Variants in THSD7A observed in about 807,000 individuals in gnomAD.
THSD7A encodes the protein thrombospondin type-1 domain-containing protein 7A.
THSD7A carries 96 observed loss-of-function variants against 231.3 expected under a neutral mutation model. The observed-to-expected ratio is 0.41, with a 90% CI of 0.35 to 0.49. THSD7A has a LOEUF of 0.49. Ranked by LOEUF, THSD7A falls within the 20% of genes least tolerant of loss-of-function variation. The pLI is 0.05. For synonymous variants in THSD7A, 940 were observed against 743.3 expected, an observed-to-expected ratio of 1.26 and a Z score of -4.30; for missense variants, 2,290 against 2,070.2, an observed-to-expected ratio of 1.11 and a Z score of -2.06.
chr7:11,772,292 G>T (rs1783258204), intron 1 of THSD7A, among the ~76,000 whole-genome samples: 1 of 152,112 alleles, frequency 6.6e-6, no homozygotes, highest in Non-Finnish European at 1.5e-5. Flanking sequence ...AATTAGTTCA[G>T]CCACTGTGGA....
chr7:11,404,514 G>A (rs1305461712), intron 22 of THSD7A, among the ~76,000 whole-genome samples: 1 of 152,180 alleles, frequency 6.6e-6, no homozygotes, highest in Non-Finnish European at 1.5e-5. Context: ...AGTACATCAA[G>A]GTCCAAAGGT....
chr7:11,707,473 G>T (rs1415540453), intron 1 of THSD7A, among the ~76,000 whole-genome samples: 1 of 150,820 alleles, frequency 6.6e-6, no homozygotes, highest in Non-Finnish European at 1.5e-5. Context: ...GGAAAACCCT[G>T]AGCATTTATT....
rs1305379703 is a variant in THSD7A at position 11,370,515 on chromosome 7, GCATATTA to G, written c.*5272_*5278del. ...ATAACCCATATGAAAATGTAAAAAA[GCATATTA>G]CATCTTCACATGCCATCTGTATTGA... On this transcript the variant is annotated 3_prime_UTR_variant, in exon 28 of 28. Transcript: ENST00000423059. 4 of 152,082 alleles carry G rather than the reference GCATATTA, an allele frequency of 2.6e-5. No individual in the cohort carries two copies. The highest frequency in any genetic ancestry group is 9.7e-5 in the African/African-American group (4 of 41,424). The allele number at this position is 152,082 out of a possible 1,614,324, so 9.4% of individuals were successfully genotyped here.
intron 4 of THSD7A, among the ~76,000 whole-genome samples, chr7:11,545,752 T>C (rs1488737555): frequency 1.3e-5 from 2 of 152,178 alleles, no homozygotes; most frequent in South Asian, 2.1e-4. Flanking sequence ...AGAGAGCTTA[T>C]TGGAGAGTTA....
At chr7:11,714,622 T>C (rs1029505227) in intron 1 of THSD7A, among the ~76,000 whole-genome samples, 3 of 151,126 alleles carry the variant, frequency 2.0e-5, no homozygotes, top group African/African-American at 7.3e-5. Flanking sequence ...CTTGTTTTCT[T>C]AAGGAAACAC....
At chr7:11,508,343 GTAAATGCATA>G (rs1261905326) in intron 6 of THSD7A, among the ~76,000 whole-genome samples, 1 of 151,872 alleles carries the variant, frequency 6.6e-6, no homozygotes, top group Non-Finnish European at 1.5e-5. Context: ...TAATCATCAG[GTAAATGCATA>G]TAAAACCACA....
chr7:11,403,724 T>C (rs909799748), intron 22 of THSD7A, among the ~76,000 whole-genome samples: 18 of 152,212 alleles, frequency 1.2e-4, no homozygotes, highest in African/African-American at 4.3e-4. Flanking sequence ...CTGTGAGTTA[T>C]GTAATTTTCG....
At chr7:11,506,148 C>T (rs982261401) in intron 6 of THSD7A, among the ~76,000 whole-genome samples, 5 of 151,634 alleles carry the variant, frequency 3.3e-5, no homozygotes, top group Middle Eastern at 3.4e-3. Flanking sequence ...TGTGACACCA[C>T]GCCTGGCTAA....
intron 1 of THSD7A, among the ~76,000 whole-genome samples, chr7:11,648,131 CT>C (rs979447299): frequency 6.6e-6 from 1 of 152,044 alleles, no homozygotes; most frequent in Non-Finnish European, 1.5e-5. Flanking sequence ...CCATGTAAGT[CT>C]GTATTTTAGG....
In THSD7A at chr7:11,682,901, G is replaced by T. The variant is rs545247478; in HGVS notation, c.191-45940C>A. On this transcript the variant is annotated intron_variant, in intron 1 of 27. Transcript: ENST00000423059. ...AAAAAAAAAATCACCGAGGCTGCTG[G>T]ATCATGAGGTCAGGAGTTGAAGGCC... Among the ~76,000 whole-genome samples, 6 of 152,040 alleles carry T rather than the reference G, an allele frequency of 3.9e-5. No individual in the cohort carries two copies. In the South Asian group the frequency reaches 1.2e-3, roughly 32 times the overall value.
chr7:11,382,225 T>G (rs892851944), intron 24 of THSD7A, among the ~76,000 whole-genome samples: 1 of 152,144 alleles, frequency 6.6e-6, no homozygotes, highest in African/African-American at 2.4e-5. Flanking sequence ...ATATAAAATT[T>G]CTAGAAAAGA....
At chr7:11,401,127 TCA>T (rs1489496242) in intron 23 of THSD7A, among the ~76,000 whole-genome samples, 2 of 152,158 alleles carry the variant, frequency 1.3e-5, no homozygotes, top group African/African-American at 2.4e-5. Flanking sequence ...TAGTAAAATC[TCA>T]CACTTTGCTG....
chr7:11,484,507 T>G (rs1476900037), intron 6 of THSD7A, among the ~76,000 whole-genome samples: 1 of 152,180 alleles, frequency 6.6e-6, no homozygotes, highest in Non-Finnish European at 1.5e-5. Context: ...CATTATACTT[T>G]TAATCACCAC....
At chr7:11,778,430 A>G (rs1783509652) in intron 1 of THSD7A, among the ~76,000 whole-genome samples, 1 of 152,124 alleles carries the variant, frequency 6.6e-6, no homozygotes, top group South Asian at 2.1e-4. Context: ...ATTTTCATAT[A>G]TATTTTTAAT....
At chr7:11,424,090 G>A (rs1337227688) in intron 16 of THSD7A, among the ~76,000 whole-genome samples, 1 of 152,152 alleles carries the variant, frequency 6.6e-6, no homozygotes, top group African/African-American at 2.4e-5. Flanking sequence ...GTATGTCTGC[G>A]CTCTCCAACA....
At chr7:11,567,157 G>A (rs1790378039) in intron 4 of THSD7A, among the ~76,000 whole-genome samples, 1 of 152,036 alleles carries the variant, frequency 6.6e-6, no homozygotes, top group South Asian at 2.1e-4. Context: ...CCCGAGACTG[G>A]GTAATTTATA....
chr7:11,782,106 A>T (rs1783649798), intron 1 of THSD7A, among the ~76,000 whole-genome samples: 1 of 152,184 alleles, frequency 6.6e-6, no homozygotes, highest in African/African-American at 2.4e-5. Flanking sequence ...TATGGGTATA[A>T]AGTTGTAATG....
chr7:11,554,854 C>T (rs1206453012), intron 4 of THSD7A, among the ~76,000 whole-genome samples: 1 of 151,444 alleles, frequency 6.6e-6, no homozygotes, highest in Admixed American at 6.6e-5. Flanking sequence ...TTTTTTTATT[C>T]TTCCCATGTA....
intron 4 of THSD7A, among the ~76,000 whole-genome samples, chr7:11,567,495 A>G (rs771769610): frequency 1.3e-5 from 2 of 152,186 alleles, no homozygotes; most frequent in Non-Finnish European, 2.9e-5. Context: ...ATATCATTCC[A>G]CTTACTCCAG....
Sources: gnomAD v4.1 joint callset for allele counts (sites outside exome capture counted in the v4.1 genomes callset) on GRCh38, gnomAD v4.1.1 for gene constraint, MANE v1.5 for transcripts, NCBI Gene and HGNC (gene_info 2026-07-23, HGNC 2026-07-21) for gene names.